The following MCTP2 variants were observed in gnomAD, a reference collection of about 807,000 sequenced individuals.
MCTP2 encodes multiple C2 and transmembrane domain containing 2.
Under a neutral mutation model 111.6 loss-of-function variants are expected in MCTP2, and 132 were observed. That is an observed-to-expected ratio of 1.18 (90% CI 1.03 to 1.37). MCTP2 has a LOEUF of 1.37. Among genes scored for constraint, MCTP2 ranks in the 40% most tolerant of loss-of-function variants. The pLI, the probability that MCTP2 is intolerant of heterozygous loss-of-function variation, is 0.00. For missense variants in MCTP2, 1,183 were observed against 1,067.9 expected (o/e 1.11, Z -1.50); for synonymous variants, 395 against 387.7 (o/e 1.02, Z -0.22).
chr15:94,328,295 A>G (rs1030775127), intron 4 of MCTP2, among the ~76,000 whole-genome samples: 2 of 151,446 alleles, frequency 1.3e-5, no homozygotes, highest in Non-Finnish European at 2.9e-5. Flanking sequence ...CGCCCGGCTA[A>G]TTTTTTGTAT....
At position 94,483,283 on chromosome 15, in the gene MCTP2, A is replaced by G. The variant is rs1391524394; in HGVS notation, c.*4249A>G. ...TGTAAATTAGTTCAACCGCTGTGGA[A>G]GACAGGGTGGGTGTTTCCTCAAAAA... On this transcript the variant is annotated 3_prime_UTR_variant, in exon 23 of 23. Transcript: ENST00000357742. 1.3e-5 allele frequency: 2 copies of G among 152,236 alleles called. No homozygotes were observed. The highest frequency in any genetic ancestry group is 2.9e-5 in the Non-Finnish European group (2 of 68,040). 9.4% of individuals were successfully genotyped at this position (152,236 alleles called of 1,614,324 possible). A position where few individuals can be genotyped will look rare whatever the true frequency, so the allele number is the denominator to read the frequency against.
chr15:94,325,498 C>CT (rs954092468), intron 4 of MCTP2, among the ~76,000 whole-genome samples: 90 of 152,152 alleles, frequency 5.9e-4, no homozygotes, highest in African/African-American at 2.1e-3. Context: ...TTTTGTGTAT[C>CT]TTTTTGCTCT....
Position 94,479,102 on chromosome 15 carries a change from G to A in MCTP2, c.*68G>A. 6.8e-7 allele frequency: 1 copy of A among 1,464,148 alleles called. No individual in the cohort carries two copies. The allele number at this position is 1,464,148 out of a possible 1,614,324, so 90.7% of individuals were successfully genotyped here. On this transcript the variant is annotated 3_prime_UTR_variant, in exon 23 of 23. Coordinates refer to ENST00000357742, the MANE Select transcript of MCTP2 (RefSeq NM_001385001.1). ...GGTTGAGTAGACCAATGTTATGGCT[G>A]TTTCAGTGGTACCCAAGGTGTCCTT... is the stretch of plus-strand genomic sequence containing the variant.
chr15:94,337,907 CT>C (rs1248914937), intron 4 of MCTP2, among the ~76,000 whole-genome samples: 4 of 151,976 alleles, frequency 2.6e-5, no homozygotes, highest in Non-Finnish European at 5.9e-5. Context: ...ACCATGGCTG[CT>C]ATTTTAGTTC....
intron 19 of MCTP2, among the ~76,000 whole-genome samples, chr15:94,456,504 A>G (rs2084845150): frequency 6.6e-6 from 1 of 152,186 alleles, no homozygotes; most frequent in Admixed American, 6.5e-5. Flanking sequence ...AAACATGAAT[A>G]CTTATGTGGC....
intron 2 of MCTP2, among the ~76,000 whole-genome samples, chr15:94,313,887 G>C (rs294555): frequency 4.6e-5 from 7 of 152,200 alleles, no homozygotes; most frequent in Non-Finnish European, 1.0e-4. Flanking sequence ...GGACATGCTC[G>C]ATTCTCTGGA....
At chr15:94,454,714 A>T (rs2084694439) in intron 19 of MCTP2, among the ~76,000 whole-genome samples, 1 of 149,444 alleles carries the variant, frequency 6.7e-6, no homozygotes, top group Non-Finnish European at 1.5e-5. Flanking sequence ...ATGGAAGTGA[A>T]TTTTTTTTTT....
chr15:94,246,208 G>T (rs1384450115), intron 1 of MCTP2, among the ~76,000 whole-genome samples: 1 of 152,154 alleles, frequency 6.6e-6, no homozygotes, highest in East Asian at 1.9e-4. Flanking sequence ...TACAGGAAAT[G>T]AGGTGTCAGA....
chr15:94,247,529 A>G (rs2072102465), intron 1 of MCTP2, among the ~76,000 whole-genome samples: 1 of 151,956 alleles, frequency 6.6e-6, no homozygotes, highest in Non-Finnish European at 1.5e-5. Context: ...CAACCTGTTG[A>G]TGGTGATTTT....
intron 4 of MCTP2, among the ~76,000 whole-genome samples, chr15:94,325,430 T>A (rs2076817877): frequency 6.6e-6 from 1 of 152,156 alleles, no homozygotes. Context: ...ACTTTGTGAT[T>A]TCCCCATCCT....
intron 1 of MCTP2, among the ~76,000 whole-genome samples, chr15:94,263,883 A>T (rs2073351605): frequency 6.6e-6 from 1 of 152,258 alleles, no homozygotes. Flanking sequence ...ATCTGTAGTC[A>T]GACTAGAGTA....
intron 4 of MCTP2, among the ~76,000 whole-genome samples, chr15:94,328,524 T>C (rs2076992592): frequency 6.6e-6 from 1 of 152,200 alleles, no homozygotes; most frequent in Non-Finnish European, 1.5e-5. Context: ...TGGTAAGAGA[T>C]ATTCTGCCTG....
chr15:94,353,749 AAGG>A (rs1389220615), intron 8 of MCTP2, among the ~76,000 whole-genome samples: 1 of 152,172 alleles, frequency 6.6e-6, no homozygotes, highest in Non-Finnish European at 1.5e-5. Context: ...AAAAAAGCAA[AAGG>A]AGGAATTGCA....
chr15:94,232,395 G>C (rs1360738394), intron 1 of MCTP2, among the ~76,000 whole-genome samples: 2 of 152,184 alleles, frequency 1.3e-5, no homozygotes, highest in Non-Finnish European at 2.9e-5. Context: ...TGGTCTGGAA[G>C]GTACAAGGGT....
chr15:94,315,386 T>G, intron 3 of MCTP2, 143 bp from the exon 4 acceptor site: 1 of 598,094 alleles, frequency 1.7e-6, no homozygotes, highest in Non-Finnish European at 3.0e-6. Context: ...GTAACCAAGT[T>G]GTCATAGTGA....
At chr15:94,378,465 G>T (rs1310792298) in intron 12 of MCTP2, among the ~76,000 whole-genome samples, 1 of 152,096 alleles carries the variant, frequency 6.6e-6, no homozygotes, top group Non-Finnish European at 1.5e-5. Flanking sequence ...CAAAGTTACA[G>T]TACCATGAGC....
chr15:94,414,160 T>C (rs1178699188), intron 17 of MCTP2, among the ~76,000 whole-genome samples: 3 of 152,230 alleles, frequency 2.0e-5, no homozygotes, highest in East Asian at 1.9e-4. Context: ...GAGCAAATTA[T>C]GTGAATTGCA....
chr15:94,349,769 G>A (rs1167275511), intron 8 of MCTP2, among the ~76,000 whole-genome samples: 4 of 146,236 alleles, frequency 2.7e-5, no homozygotes, highest in East Asian at 2.0e-4. Flanking sequence ...GCAGTGAGCC[G>A]AGATCGCAGC....
intron 18 of MCTP2, among the ~76,000 whole-genome samples, chr15:94,442,062 T>C (rs1370455754): frequency 6.6e-6 from 1 of 152,174 alleles, no homozygotes; most frequent in Admixed American, 6.5e-5. Flanking sequence ...GAGCATGATA[T>C]TGACAATTCT....
Sources: allele counts gnomAD v4.1 joint callset (sites outside exome capture counted in the v4.1 genomes callset), GRCh38; gene constraint gnomAD v4.1.1; transcripts MANE v1.5; gene names NCBI Gene and HGNC (gene_info 2026-07-23, HGNC 2026-07-21).